GSK3B: variants seen among roughly 807,000 people sequenced by gnomAD.
The protein encoded by GSK3B is glycogen synthase kinase 3 beta.
GSK3B carries 15 observed loss-of-function variants against 56.4 expected under a neutral mutation model. That is an observed-to-expected ratio of 0.27 (90% CI 0.18 to 0.41). GSK3B has a LOEUF of 0.41. Ranked by LOEUF, GSK3B falls within the 10% of genes least tolerant of loss-of-function variation. The probability of loss-of-function intolerance (pLI) is 1.00; values close to 1 mark genes in which losing one functional copy is unlikely to be tolerated. For synonymous variants in GSK3B, 181 were observed against 188.9 expected (o/e 0.96, Z 0.34); for missense variants, 300 against 513.4 (o/e 0.58, Z 4.02).
chr3:119,949,183 C>G (rs2057130598), intron 2 of GSK3B, among the ~76,000 whole-genome samples: 1 of 152,008 alleles, frequency 6.6e-6, no homozygotes, highest in Admixed American at 6.6e-5. Context: ...GTATTAAATT[C>G]CCAGATAACA....
intron 10 of GSK3B, among the ~76,000 whole-genome samples, chr3:119,840,206 AC>A (rs1011224205): frequency 6.7e-6 from 1 of 148,514 alleles, no homozygotes; most frequent in African/African-American, 2.5e-5. Context: ...TTTAAAAAAA[AC>A]ATGTCTGATG....
At chr3:119,923,253 T>A in intron 4 of GSK3B, 120 bp downstream of exon 4, 1 of 508,358 alleles carries the variant, frequency 2.0e-6, no homozygotes, top group Non-Finnish European at 3.5e-6. Context: ...CAACAATACC[T>A]ACTTTACAGT....
intron 2 of GSK3B, among the ~76,000 whole-genome samples, chr3:119,966,356 CTATT>C (rs1178305348): frequency 1.3e-5 from 2 of 152,044 alleles, no homozygotes; most frequent in East Asian, 1.9e-4. Context: ...ATTAAAGAAG[CTATT>C]TATGTGAGCA....
intron 10 of GSK3B, among the ~76,000 whole-genome samples, chr3:119,836,074 T>C (rs185809936): frequency 1.1e-4 from 17 of 152,290 alleles, no homozygotes; most frequent in African/African-American, 3.8e-4. Flanking sequence ...ATAATTGTAA[T>C]TGTAAGACAA....
At position 119,824,275 on chromosome 3, in the gene GSK3B, A is replaced by G; in HGVS notation, c.*2513T>C. 1 of 225,746 alleles carries G rather than the reference A, an allele frequency of 4.4e-6. No individual in the cohort carries two copies. The allele number at this position is 225,746 out of a possible 1,614,324, so 14.0% of individuals were successfully genotyped here. A position where few individuals can be genotyped will look rare whatever the true frequency, so the allele number is the denominator to read the frequency against. ...CAGAGACCTGGATCTCACTTGTATA[A>G]AAGAGTTCTGTGATCCCACCATGAT... On this transcript the variant is annotated 3_prime_UTR_variant, in exon 11 of 11. Coordinates refer to ENST00000264235, the MANE Select transcript of GSK3B (RefSeq NM_001146156.2).
intron 1 of GSK3B, among the ~76,000 whole-genome samples, chr3:120,062,028 G>A (rs1227233523): frequency 1.2e-4 from 18 of 152,052 alleles, no homozygotes; most frequent in Non-Finnish European, 8.8e-5. Context: ...CACCATTTCC[G>A]GCCATATATG....
At chr3:119,971,893 G>T (rs916559723) in intron 2 of GSK3B, among the ~76,000 whole-genome samples, 2 of 151,954 alleles carry the variant, frequency 1.3e-5, no homozygotes, top group South Asian at 4.2e-4. Flanking sequence ...TTACAGGCGT[G>T]AGCCACCGCG....
intron 4 of GSK3B, among the ~76,000 whole-genome samples, chr3:119,922,948 G>A (rs959456490): frequency 3.3e-5 from 5 of 152,130 alleles, no homozygotes. Flanking sequence ...AACAGTTTAA[G>A]CTGCAGCTAC....
chr3:119,888,978 C>T (rs896856820), intron 7 of GSK3B, among the ~76,000 whole-genome samples: 1 of 152,052 alleles, frequency 6.6e-6, no homozygotes, highest in Admixed American at 6.6e-5. Flanking sequence ...TCAAACCCTG[C>T]TTTCTGTTAA....
At chr3:119,912,579 G>T (rs559087986) in intron 6 of GSK3B, 125 bp downstream of exon 6, 66 of 452,430 alleles carry the variant, frequency 1.5e-4, no homozygotes, top group African/African-American at 1.3e-3. Context: ...CAAGCTTTAA[G>T]AAAAAAAACA....
intron 10 of GSK3B, among the ~76,000 whole-genome samples, chr3:119,834,404 T>G (rs1160933557): frequency 6.6e-6 from 1 of 152,200 alleles, no homozygotes; most frequent in African/African-American, 2.4e-5. Flanking sequence ...CACAGAACAC[T>G]AAGGTAGCCT....
chr3:119,882,849 GTTTC>G (rs1559821476), intron 7 of GSK3B, among the ~76,000 whole-genome samples: 1 of 152,104 alleles, frequency 6.6e-6, no homozygotes, highest in African/African-American at 2.4e-5. Context: ...TTAAAAAAAG[GTTTC>G]TTTATTATAT....
chr3:120,074,283 G>C (rs1377463136), intron 1 of GSK3B, among the ~76,000 whole-genome samples: 2 of 150,754 alleles, frequency 1.3e-5, no homozygotes, highest in East Asian at 3.9e-4. Flanking sequence ...TTGGGTCACA[G>C]AGTGAGGCCC....
intron 2 of GSK3B, among the ~76,000 whole-genome samples, chr3:119,957,662 G>A (rs1339987733): frequency 6.6e-6 from 1 of 152,090 alleles, no homozygotes; most frequent in African/African-American, 2.4e-5. Flanking sequence ...GTTAAGAGCT[G>A]TATCTTCACA....
At chr3:119,853,603 G>C (rs2055972047) in intron 9 of GSK3B, among the ~76,000 whole-genome samples, 1 of 152,172 alleles carries the variant, frequency 6.6e-6, no homozygotes, top group Non-Finnish European at 1.5e-5. Flanking sequence ...TCGTTGAGCA[G>C]TGGTTTGTAG....
intron 8 of GSK3B, among the ~76,000 whole-genome samples, chr3:119,875,351 G>C (rs1449379804): frequency 6.6e-6 from 1 of 151,962 alleles, no homozygotes; most frequent in Non-Finnish European, 1.5e-5. Flanking sequence ...TTCACCTATA[G>C]CCCTAAATGA....
intron 2 of GSK3B, among the ~76,000 whole-genome samples, chr3:119,966,588 A>T (rs1264073302): frequency 2.6e-5 from 4 of 152,224 alleles, no homozygotes; most frequent in Non-Finnish European, 5.9e-5. Flanking sequence ...ATAATCGCCA[A>T]CCACATTAAG....
intron 7 of GSK3B, among the ~76,000 whole-genome samples, chr3:119,905,213 T>G (rs1469322885): frequency 3.3e-5 from 5 of 151,542 alleles, no homozygotes; most frequent in Admixed American, 3.3e-4. Context: ...ATAAATAAAA[T>G]TATATTAAAT....
intron 1 of GSK3B, chr3:120,041,350 G>T: frequency 3.2e-6 from 1 of 315,542 alleles, no homozygotes; most frequent in Non-Finnish European, 6.5e-6. Flanking sequence ...GCCAGTGCTG[G>T]AAGTAGAGAT....
Sources: allele counts gnomAD v4.1 joint callset (sites outside exome capture counted in the v4.1 genomes callset), GRCh38; gene constraint gnomAD v4.1.1; transcripts MANE v1.5; gene names NCBI Gene and HGNC (gene_info 2026-07-23, HGNC 2026-07-21).